Variants in TCN2 observed in about 807,000 individuals in gnomAD.
TCN2 encodes transcobalamin-2.
Under a neutral mutation model 48.6 loss-of-function variants are expected in TCN2, and 34 were observed. That is an observed-to-expected ratio of 0.70 (90% CI 0.53 to 0.93). The LOEUF (loss-of-function observed/expected upper bound fraction) is 0.93. Ranked by LOEUF, TCN2 falls within the 40% of genes least tolerant of loss-of-function variation. TCN2 has a pLI of 0.00. For missense variants in TCN2, 652 were observed against 526.1 expected, an observed-to-expected ratio of 1.24 and a Z score of -2.34; for synonymous variants, 283 against 212.5, an observed-to-expected ratio of 1.33 and a Z score of -2.89.
intron 3 of TCN2, 118 bp downstream of exon 3, chr22:30,613,160 T>A (rs976823918): frequency 7.1e-7 from 1 of 1,405,248 alleles, no homozygotes; most frequent in Non-Finnish European, 9.7e-7. Flanking sequence ...CACCATCCAT[T>A]CTGCCCATCT....
chr22:30,625,991 C>A (rs1036985626), intron 8 of TCN2, among the ~76,000 whole-genome samples: 5 of 152,140 alleles, frequency 3.3e-5, no homozygotes, highest in African/African-American at 1.2e-4. Flanking sequence ...GCTGCATTCC[C>A]ACATCACCAA....
At chr22:30,623,200 A>C in intron 8 of TCN2, 117 bp downstream of exon 8, 1 of 902,196 alleles carries the variant, frequency 1.1e-6, no homozygotes, top group Non-Finnish European at 1.8e-6. Flanking sequence ...CCTTCACAAA[A>C]TCACTGATGC....
intron 8 of TCN2, among the ~76,000 whole-genome samples, chr22:30,623,714 A>ACACATATATAT (rs1491123996): frequency 4.6e-5 from 5 of 107,528 alleles, no homozygotes; most frequent in South Asian, 2.7e-4. Context: ...ATATATATAC[A>ACACATATATAT]GACACACATA....
In TCN2 at chr22:30,622,870, G is replaced by A. The variant is rs2087718794; in HGVS notation, c.1107-98G>A. The A allele has an allele frequency of 3.9e-6, 5 of 1,293,726 alleles. No individual in the cohort carries two copies. The East Asian group carries it at 9.3e-5, about 24-fold the overall frequency. 80.1% of individuals were successfully genotyped at this position (1,293,726 alleles called of 1,614,324 possible). A position where few individuals can be genotyped will look rare whatever the true frequency, so the allele number is the denominator to read the frequency against. On this transcript the variant is annotated intron_variant, in intron 7 of 8. Coordinates refer to ENST00000215838, the MANE Select transcript of TCN2 (RefSeq NM_000355.4). The stretch of plus-strand genomic sequence containing the variant: ...AGGGTTTGACGAGTGTCGGCCCAAA[G>A]AGCTTGGAAGGGATTTTGCTGCTGT...
intron 2 of TCN2, among the ~76,000 whole-genome samples, chr22:30,611,281 A>G (rs1204952810): frequency 3.3e-5 from 5 of 152,206 alleles, no homozygotes; most frequent in African/African-American, 4.8e-5. Flanking sequence ...ACTGTCCATC[A>G]TGTGTCTGAG....
At chr22:30,623,383 G>A (rs915685023) in intron 8 of TCN2, 6 of 310,742 alleles carry the variant, frequency 1.9e-5, no homozygotes, top group South Asian at 6.3e-5. Flanking sequence ...ATGGAGTTTC[G>A]CTCTTGTTGC....
chr22:30,621,707 C>G (rs2087702348), intron 7 of TCN2, among the ~76,000 whole-genome samples: 1 of 152,166 alleles, frequency 6.6e-6, no homozygotes, highest in African/African-American at 2.4e-5. Context: ...TGGTCATGAA[C>G]TCCTGACCTC....
At chr22:30,618,872 C>T (rs2087655354) in intron 7 of TCN2, among the ~76,000 whole-genome samples, 1 of 152,084 alleles carries the variant, frequency 6.6e-6, no homozygotes, top group African/African-American at 2.4e-5. Flanking sequence ...CAGGTTCAAG[C>T]GATTCTCCTT....
At chr22:30,621,902 T>G (rs1413776501) in intron 7 of TCN2, among the ~76,000 whole-genome samples, 1 of 152,236 alleles carries the variant, frequency 6.6e-6, no homozygotes, top group Non-Finnish European at 1.5e-5. Flanking sequence ...CAAATCCCAC[T>G]CATCTCTTGA....
In TCN2 at chr22:30,617,512, C is replaced by T. The variant is rs926596228; in HGVS notation, c.1106+17C>T. The stretch of plus-strand genomic sequence containing the variant: ...AGGATTCACGTGAGACTCCCACCTC[C>T]CAGTCCTCACCCCACCCAACCTCAC... On this transcript the variant is annotated intron_variant, in intron 7 of 8. Transcript: ENST00000215838. 9.3e-6 allele frequency: 15 copies of T among 1,614,008 alleles called. No homozygotes were observed. In the Middle Eastern group the frequency reaches 5.0e-4, roughly 54 times the overall value.
At chr22:30,625,580 A>C (rs1347246114) in intron 8 of TCN2, among the ~76,000 whole-genome samples, 1 of 151,974 alleles carries the variant, frequency 6.6e-6, no homozygotes, top group African/African-American at 2.4e-5. Context: ...CTCCCACCTC[A>C]GCCTCCTGAG....
At chr22:30,614,614 G>T in intron 4 of TCN2, 113 bp downstream of exon 4, 3 of 1,470,972 alleles carry the variant, frequency 2.0e-6, no homozygotes, top group South Asian at 2.4e-5. Flanking sequence ...GGGCTCCTCC[G>T]AATCAAGTCC....
At chr22:30,614,053 C>T (rs1254254672) in intron 3 of TCN2, among the ~76,000 whole-genome samples, 1 of 152,222 alleles carries the variant, frequency 6.6e-6, no homozygotes, top group Non-Finnish European at 1.5e-5. Context: ...TTCCCAGCCA[C>T]CCAAATATCA....
Position 30,615,726 on chromosome 22 carries a change from G to A in TCN2, c.879G>A (p.Leu293=), listed in dbSNP as rs777393779. The change falls in exon 6 of 9, where the codon CTG becomes CTA. Residue 293 remains leucine (L), a synonymous_variant. Coordinates refer to ENST00000215838, the MANE Select transcript of TCN2 (RefSeq NM_000355.4). ...ATGCTCTCATGATTTCCCAGCTGCT[G>A]CCCGTTCTGAACCACAAGACCTACA... ...FQNALMISQL[L]PVLNHKTYID... 6.2e-7 allele frequency: 1 copy of A among 1,614,220 alleles called. No individual in the cohort carries two copies. The highest frequency in any genetic ancestry group is 1.1e-5 in the South Asian group (1 of 91,086).
rs1426459865 is a variant in TCN2, at chr22:30,623,853, C to T, written c.1222+770C>T. Among the ~76,000 whole-genome samples, 2 of 50,384 alleles carry T rather than the reference C, an allele frequency of 4.0e-5. 1 individual carries two copies. Among genetic ancestry groups the T allele is most frequent in the Non-Finnish European group, 6.8e-5 (2 of 29,354 alleles). 33.1% of individuals were successfully genotyped at this position (50,384 alleles called of 152,430 possible). ...ACACATATACACACACATACATACA[C>T]ATACATACACACATATATACACACA... On this transcript the variant is annotated intron_variant, in intron 8 of 8. Transcript: ENST00000215838.
chr22:30,610,792 A>T lies in TCN2; in HGVS notation c.65-79A>T, dbSNP rs569260615. 9.1e-5 allele frequency: 136 copies of T among 1,493,272 alleles called. 1 individual carries two copies. Among genetic ancestry groups the T allele is most frequent in the South Asian group, 5.3e-4 (47 of 88,158 alleles). The allele number at this position is 1,493,272 out of a possible 1,614,324, so 92.5% of individuals were successfully genotyped here. On this transcript the variant is annotated intron_variant, in intron 1 of 8. Coordinates refer to ENST00000215838, the MANE Select transcript of TCN2 (RefSeq NM_000355.4). ...GGGTGAGGACATGTATTCTCTGGAG[A>T]AGGCCCTGGTAACGTCAAAGCACTT...
chr22:30,612,083 AAAAG>A (rs1401218574), intron 2 of TCN2, among the ~76,000 whole-genome samples: 3 of 152,086 alleles, frequency 2.0e-5, no homozygotes, highest in South Asian at 2.1e-4. Flanking sequence ...AAAAAAAAGA[AAAAG>A]AAAAAAAATG....
rs200848171 is a variant in TCN2, at chr22:30,607,352, C to T, written c.21C>T (p.Phe7=). 3.1e-6 allele frequency: 5 copies of T among 1,614,174 alleles called. No homozygotes were observed. The highest frequency in any genetic ancestry group is 2.2e-5 in the South Asian group (2 of 91,080). MRHLGA[F]LFLLGVLGAL... ...CTGCCATGAGGCACCTTGGGGCCTT[C>T]CTCTTCCTTCTGGGGGTCCTGGGGG... is the stretch of plus-strand genomic sequence containing the variant. Residue 7 remains phenylalanine, a synonymous_variant, in exon 1 of 9, where the codon TTC becomes TTT. Transcript: ENST00000215838.
chr22:30,611,160 C>A (rs766416314), intron 2 of TCN2, 97 bp downstream of exon 2: 5 of 1,485,056 alleles, frequency 3.4e-6, no homozygotes, highest in East Asian at 2.3e-5. Context: ...TGTGGGCAGA[C>A]CTTAGGCAAA....
Sources: gnomAD v4.1 joint callset for allele counts (sites outside exome capture counted in the v4.1 genomes callset) on GRCh38, gnomAD v4.1.1 for gene constraint, MANE v1.5 for transcripts, NCBI Gene and HGNC (gene_info 2026-07-23, HGNC 2026-07-21) for gene names.